SEC61B: variants seen among roughly 807,000 people sequenced by gnomAD.
SEC61B encodes the protein SEC61 translocon subunit beta, also known as protein transport protein Sec61 subunit beta.
Under a neutral mutation model 12.6 loss-of-function variants are expected in SEC61B, and 7 were observed. The ratio of observed to expected loss-of-function variants is 0.55; its 90% CI spans 0.32 to 1.04. SEC61B has a LOEUF of 1.04. SEC61B is among the 50% of genes least tolerant of loss of function. SEC61B has a pLI of 0.05. For missense variants in SEC61B, 107 were observed against 130.1 expected, an observed-to-expected ratio of 0.82 and a Z score of 0.86; for synonymous variants, 54 against 50.1, an observed-to-expected ratio of 1.08 and a Z score of -0.33.
At chr9:99,226,541 A>G (rs1828897879) in intron 2 of SEC61B, among the ~76,000 whole-genome samples, 1 of 152,226 alleles carries the variant, frequency 6.6e-6, no homozygotes, top group African/African-American at 2.4e-5. Context: ...TGGTGCAGGC[A>G]GCAATGAGAT....
At chr9:99,228,399 A>T (rs1191837111) in intron 3 of SEC61B, among the ~76,000 whole-genome samples, 3 of 152,236 alleles carry the variant, frequency 2.0e-5, no homozygotes, top group Non-Finnish European at 4.4e-5. Flanking sequence ...GCATAAGCTG[A>T]TATTACTACA....
Position 99,230,344 on chromosome 9 carries a change from G to C in SEC61B, c.211G>C (p.Val71Leu). ...TTCTCTTCTTATTTCTAGTGGCCCT[G>C]TTCCAGTATTGGTTATGAGTCTTCT... The part of the protein sequence containing the change: ...EDSPGLKVGP[V>L]PVLVMSLLFI... Residue 71 changes from valine (V) to leucine (L), a missense_variant, in exon 4 of 4, where the codon GTT becomes CTT. Physicochemically the swap from Val to Leu is conservative, Grantham distance 32 (BLOSUM62 1). Transcript: ENST00000223641. The C allele has an allele frequency of 6.2e-7, 1 of 1,600,730 alleles. No homozygotes were observed.
At chr9:99,224,017 A>T (rs551019805) in intron 2 of SEC61B, among the ~76,000 whole-genome samples, 44 of 152,358 alleles carry the variant, frequency 2.9e-4, no homozygotes, top group Admixed American at 2.5e-3. Flanking sequence ...GACACAATAA[A>T]TAATGACTGA....
intron 2 of SEC61B, among the ~76,000 whole-genome samples, chr9:99,223,655 G>A (rs1212305117): frequency 2.6e-5 from 4 of 152,216 alleles, no homozygotes; most frequent in African/African-American, 9.6e-5. Context: ...GCCTCCAAAA[G>A]TGCTGGAATT....
chr9:99,222,303 T>A lies in SEC61B; in HGVS notation c.-61T>A. The stretch of plus-strand genomic sequence containing the variant: ...AGTCAGTCTCGCCAGCTGCCGGTCT[T>A]TCGGGGGCTCCGTAACTTTCTATCC... On this transcript the variant is annotated 5_prime_UTR_variant, in exon 1 of 4. Transcript: ENST00000223641. 1.2e-6 allele frequency: 2 copies of A among 1,613,834 alleles called. No individual in the cohort carries two copies. Among genetic ancestry groups the A allele is most frequent in the Non-Finnish European group, 8.5e-7 (1 of 1,179,796 alleles).
intron 3 of SEC61B, among the ~76,000 whole-genome samples, chr9:99,228,767 G>C (rs1295054453): frequency 6.6e-6 from 1 of 152,200 alleles, no homozygotes; most frequent in Non-Finnish European, 1.5e-5. Flanking sequence ...TTCAATGTCT[G>C]TTGTCTAGTT....
chr9:99,227,265 CAAAAA>C (rs59719935), intron 2 of SEC61B, among the ~76,000 whole-genome samples: 16 of 10,736 alleles, frequency 1.5e-3, no homozygotes, highest in Non-Finnish European at 2.0e-3. Flanking sequence ...AACTCCATCT[CAAAAA>C]AAAAAAAAAA....
intron 1 of SEC61B, 60 bp from the exon 2 acceptor site, chr9:99,222,486 C>T (rs1828839225): frequency 2.5e-6 from 4 of 1,603,934 alleles, no homozygotes; most frequent in Non-Finnish European, 2.6e-6. Flanking sequence ...GGTGTCTAGG[C>T]CGGGGTTCTG....
At chr9:99,223,672 G>A (rs1257587603) in intron 2 of SEC61B, among the ~76,000 whole-genome samples, 4 of 152,220 alleles carry the variant, frequency 2.6e-5, no homozygotes, top group Non-Finnish European at 4.4e-5. Flanking sequence ...AATTACAGGC[G>A]TGAGCCACTG....
rs1430610034 is a variant in SEC61B, at chr9:99,230,269, CT to C, written c.204-65del. ...TACCTCTACTTTTCCCCTAGGCAAT[CT>C]TTAGTATTGCAGATCTAATAGTATA... is the stretch of plus-strand genomic sequence containing the variant. On this transcript the variant is annotated intron_variant, in intron 3 of 3. Coordinates refer to ENST00000223641, the MANE Select transcript of SEC61B (RefSeq NM_006808.3). The C allele has an allele frequency of 6.1e-6, 6 of 979,078 alleles. No individual in the cohort carries two copies. The African/African-American group carries it at 9.9e-5, about 16-fold the overall frequency. The allele number at this position is 979,078 out of a possible 1,614,324, so 60.6% of individuals were successfully genotyped here.
At chr9:99,225,814 C>T (rs1251114025) in intron 2 of SEC61B, among the ~76,000 whole-genome samples, 2 of 152,124 alleles carry the variant, frequency 1.3e-5, no homozygotes, top group Non-Finnish European at 2.9e-5. Flanking sequence ...TCCTGTAATT[C>T]CAGGAAACTT....
At chr9:99,225,752 C>T (rs900369445) in intron 2 of SEC61B, among the ~76,000 whole-genome samples, 18 of 152,142 alleles carry the variant, frequency 1.2e-4, no homozygotes, top group Admixed American at 4.6e-4. Flanking sequence ...ATGTTCCATG[C>T]GCCAGCAGAA....
rs1056370120 is a variant in SEC61B at position 99,230,326 on chromosome 9, C to T, written c.204-11C>T. ...ACTAAAAGTAAGCATGCTTTCTCTT[C>T]TTATTTCTAGTGGCCCTGTTCCAGT... On this transcript the variant is annotated splice_polypyrimidine_tract_variant and intron_variant, in intron 3 of 3. Coordinates refer to ENST00000223641, the MANE Select transcript of SEC61B (RefSeq NM_006808.3). The T allele has an allele frequency of 2.4e-5, 37 of 1,555,486 alleles. No individual in the cohort carries two copies. Among genetic ancestry groups the T allele is most frequent in the Non-Finnish European group, 2.9e-5 (33 of 1,134,048 alleles).
chr9:99,230,074 T>C (rs891352021), intron 3 of SEC61B, among the ~76,000 whole-genome samples: 20 of 152,244 alleles, frequency 1.3e-4, no homozygotes, highest in African/African-American at 4.1e-4. Context: ...TCAGATCATT[T>C]CATTTGTATA....
At chr9:99,226,954 C>G (rs914234033) in intron 2 of SEC61B, among the ~76,000 whole-genome samples, 2 of 152,020 alleles carry the variant, frequency 1.3e-5, no homozygotes, top group Non-Finnish European at 2.9e-5. Flanking sequence ...TGTGCAAGAT[C>G]TGTGATCACT....
At position 99,230,377 on chromosome 9, in the gene SEC61B, G is replaced by A. The variant is rs746398079; in HGVS notation, c.244G>A (p.Ala82Thr). 56 of 1,610,542 alleles carry A rather than the reference G, an allele frequency of 3.5e-5. No homozygotes were observed. The Admixed American group carries it at 7.9e-4, about 23-fold the overall frequency. The change falls in exon 4 of 4, where the codon GCT (alanine) becomes ACT (threonine). Residue 82 changes from alanine to threonine, a missense_variant. Coordinates refer to ENST00000223641, the MANE Select transcript of SEC61B (RefSeq NM_006808.3). Reference sequence around the variant, plus strand: ...ATTGGTTATGAGTCTTCTGTTCATCGCTTCTGTATTTATGTTGCACATTTG... The same window carrying A: ...ATTGGTTATGAGTCTTCTGTTCATCACTTCTGTATTTATGTTGCACATTTG... Reference protein sequence around the residue: ...PVLVMSLLFIASVFMLHIWGK... With the variant: ...PVLVMSLLFITSVFMLHIWGK...
At chr9:99,223,113 G>C (rs1348398065) in intron 2 of SEC61B, 1 of 153,212 alleles carries the variant, frequency 6.5e-6, no homozygotes, top group Non-Finnish European at 1.5e-5. Context: ...CGTCATCTTG[G>C]ATTTTTCTTA....
At chr9:99,222,740 A>G (rs771040992) in intron 2 of SEC61B, 97 bp downstream of exon 2, 76 of 888,492 alleles carry the variant, frequency 8.6e-5, no homozygotes, top group Non-Finnish European at 1.2e-4. Flanking sequence ...GAAGATTGAC[A>G]AAGGCAAAAT....
At position 99,222,760 on chromosome 9, in the gene SEC61B, G is replaced by C. The variant is rs202113215; in HGVS notation, c.101+117G>C. The C allele has an allele frequency of 1.4e-5, 10 of 738,522 alleles. No homozygotes were observed. In the East Asian group the frequency reaches 2.6e-4, roughly 19 times the overall value. The allele number at this position is 738,522 out of a possible 1,614,324, so 45.7% of individuals were successfully genotyped here. A position where few individuals can be genotyped will look rare whatever the true frequency, so the allele number is the denominator to read the frequency against. The stretch of plus-strand genomic sequence containing the variant: ...TTGACAAAGGCAAAATGAGCTTCTA[G>C]TGACGTGGCCGTGGGAGTAGTTAAA... On this transcript the variant is annotated intron_variant, in intron 2 of 3. Transcript: ENST00000223641.
Sources: gnomAD v4.1 joint callset for allele counts (sites outside exome capture counted in the v4.1 genomes callset) on GRCh38, gnomAD v4.1.1 for gene constraint, MANE v1.5 for transcripts, NCBI Gene and HGNC (gene_info 2026-07-23, HGNC 2026-07-21) for gene names.